The following TSPEAR variants were observed in gnomAD, a reference collection of about 807,000 sequenced individuals.
TSPEAR encodes the protein thrombospondin-type laminin G domain and EAR repeat-containing protein.
In TSPEAR, 69 loss-of-function variants were observed where a neutral mutation model predicts 71.6. That is an observed-to-expected ratio of 0.96 (90% CI 0.79 to 1.18). The LOEUF (loss-of-function observed/expected upper bound fraction) is 1.18. Ranked by LOEUF, TSPEAR falls within the 50% of genes most tolerant of loss-of-function variation. The probability of loss-of-function intolerance (pLI) is 0.00; values close to 1 mark genes in which losing one functional copy is unlikely to be tolerated. For missense variants in TSPEAR, 971 were observed against 894.9 expected (o/e 1.09, Z -1.09); for synonymous variants, 402 against 387.2 (o/e 1.04, Z -0.45).
At chr21:44,504,025 G>T (rs1246013648) in intron 11 of TSPEAR, among the ~76,000 whole-genome samples, 1 of 149,164 alleles carries the variant, frequency 6.7e-6, no homozygotes, top group African/African-American at 2.5e-5. Flanking sequence ...TGAGCCCTCA[G>T]CAGGAAGCAA....
chr21:44,648,093 C>T (rs115340458), intron 1 of TSPEAR, among the ~76,000 whole-genome samples: 1 of 152,350 alleles, frequency 6.6e-6, no homozygotes, highest in African/African-American at 2.4e-5. Context: ...GAGGGCCACT[C>T]TGTGTGCTCT....
Position 44,647,578 on chromosome 21 carries a change from C to T in TSPEAR, c.82+63855G>A, listed in dbSNP as rs1300606329. On this transcript the variant is annotated intron_variant, in intron 1 of 11. Coordinates refer to ENST00000323084, the MANE Select transcript of TSPEAR (RefSeq NM_144991.3). ...GACTGTGGCTTTCTGGAGCCCCCTT[C>T]TCCAAATGTGTTGCTTATACCCAAT... 1.8e-5 allele frequency: 11 copies of T among 616,884 alleles called. 1 individual carries two copies. The allele number at this position is 616,884 out of a possible 1,614,324, so 38.2% of individuals were successfully genotyped here.
rs587724983 is a variant in TSPEAR, at chr21:44,517,944, C to CCT, written c.1566+3937_1566+3938dup. 1.5e-3 allele frequency: 641 copies of CCT among 434,756 alleles called. 10 individuals carry two copies. The highest frequency in any genetic ancestry group is 6.8e-3 in the South Asian group (404 of 59,284). 26.9% of individuals were successfully genotyped at this position (434,756 alleles called of 1,614,324 possible). A position where few individuals can be genotyped will look rare whatever the true frequency, so the allele number is the denominator to read the frequency against. Reference sequence around the variant, plus strand: ...CTGACAATTCCATCACTGTCCTCACCCTCTTCTTTTTTTTCTAGAACTTTG... The same window carrying CCT: ...CTGACAATTCCATCACTGTCCTCACCCTCTCTTCTTTTTTTTCTAGAACTTTG... On this transcript the variant is annotated intron_variant, in intron 9 of 11. Transcript: ENST00000323084.
rs150567386 is a variant in TSPEAR at position 44,536,350 on chromosome 21, C to A, written c.304-2427G>T. Among the ~76,000 whole-genome samples the A allele has an allele frequency of 7.1e-4, 108 of 152,362 alleles. 1 individual carries two copies. The highest frequency in any genetic ancestry group is 3.4e-3 in the Middle Eastern group (1 of 294). Reference sequence around the variant, plus strand: ...TTGGGTGATATCTTGCCATTAAGTTCTGTCCTAAATGGAACCCATGGGTTT... The same window carrying A: ...TTGGGTGATATCTTGCCATTAAGTTATGTCCTAAATGGAACCCATGGGTTT... On this transcript the variant is annotated intron_variant, in intron 2 of 11. Coordinates refer to ENST00000323084, the MANE Select transcript of TSPEAR (RefSeq NM_144991.3).
intron 1 of TSPEAR, among the ~76,000 whole-genome samples, chr21:44,620,804 A>G (rs587677282): frequency 3.0e-4 from 46 of 152,246 alleles, no homozygotes; most frequent in East Asian, 5.8e-4. Context: ...CTAGCTATCA[A>G]TTTCCCTCTA....
chr21:44,615,346 C>T (rs1253495097), intron 1 of TSPEAR, among the ~76,000 whole-genome samples: 1 of 152,232 alleles, frequency 6.6e-6, no homozygotes, highest in Non-Finnish European at 1.5e-5. Flanking sequence ...GAGTCCAGGC[C>T]GCACAGGTGC....
At chr21:44,637,474 A>G (rs9306108) in intron 1 of TSPEAR, 614,907 of 1,612,062 alleles carry the variant, frequency 0.38, 119,649 homozygotes, top group South Asian at 0.53. Flanking sequence ...CTTGGCGGGT[A>G]GTCGACTGCC....
chr21:44,582,466 C>G (rs924946687), intron 1 of TSPEAR, among the ~76,000 whole-genome samples: 7 of 152,196 alleles, frequency 4.6e-5, no homozygotes, highest in African/African-American at 1.7e-4. Flanking sequence ...AGCCCTGGGG[C>G]CTGTATGATA....
intron 10 of TSPEAR, chr21:44,508,702 C>T: frequency 8.2e-7 from 1 of 1,224,132 alleles, no homozygotes; most frequent in Non-Finnish European, 1.1e-6. Flanking sequence ...TCCATGTTCC[C>T]TGGATCTCAC....
At chr21:44,704,929 G>C (rs1297852868) in intron 1 of TSPEAR, among the ~76,000 whole-genome samples, 1 of 152,056 alleles carries the variant, frequency 6.6e-6, no homozygotes, top group Non-Finnish European at 1.5e-5. Flanking sequence ...CCGCCCAGAC[G>C]CACTGACCTG....
In TSPEAR at chr21:44,586,423, G is replaced by C. The variant is rs192260310; in HGVS notation, c.83-18418C>G. ...ATGAAGGGGAGGTGGAGGCATTGGGGAGTAGCCAGCCCAAACAGAGGGCTT... is the reference window on the plus strand; with the variant it reads ...ATGAAGGGGAGGTGGAGGCATTGGGCAGTAGCCAGCCCAAACAGAGGGCTT... On this transcript the variant is annotated intron_variant, in intron 1 of 11. Transcript: ENST00000323084. Among the ~76,000 whole-genome samples the C allele has an allele frequency of 7.9e-5, 12 of 152,242 alleles. No homozygotes were observed. In the East Asian group the frequency reaches 1.7e-3, roughly 22 times the overall value.
intron 1 of TSPEAR, among the ~76,000 whole-genome samples, chr21:44,608,290 G>A (rs752157224): frequency 4.6e-5 from 7 of 152,186 alleles, no homozygotes; most frequent in Non-Finnish European, 7.3e-5. Flanking sequence ...CCCATACTCA[G>A]TGGTACACTA....
At chr21:44,683,025 C>G (rs952881539) in intron 1 of TSPEAR, among the ~76,000 whole-genome samples, 10 of 152,228 alleles carry the variant, frequency 6.6e-5, no homozygotes, top group Middle Eastern at 6.8e-3. Context: ...GTGAAGCCCC[C>G]CTCCAGTCCC....
At chr21:44,515,731 C>T (rs17004656) in intron 9 of TSPEAR, 4,553 of 152,340 alleles carry the variant, frequency 0.03, 236 homozygotes, top group African/African-American at 0.1. Context: ...CCACATCACC[C>T]GTGACAGAAG....
At chr21:44,509,120 G>T in intron 10 of TSPEAR, 79 bp downstream of exon 10, 1 of 1,492,500 alleles carries the variant, frequency 6.7e-7, no homozygotes, top group South Asian at 1.3e-5. Flanking sequence ...GGGTGGTGAG[G>T]ATGAGCCTAA....
chr21:44,531,664 G>A (rs1320031149), intron 3 of TSPEAR, among the ~76,000 whole-genome samples: 4 of 152,210 alleles, frequency 2.6e-5, no homozygotes, highest in Non-Finnish European at 5.9e-5. Flanking sequence ...CATGGTGAAC[G>A]TGCAGTGGCT....
intron 11 of TSPEAR, among the ~76,000 whole-genome samples, chr21:44,503,552 T>TTGGTGAGCCCACAGG (rs2052102537): frequency 1.8e-5 from 2 of 110,096 alleles, no homozygotes; most frequent in Non-Finnish European, 3.7e-5. Context: ...GAGCCCACAG[T>TTGGTGAGCCCACAGG]GGGGAAGCAA....
intron 2 of TSPEAR, chr21:44,558,599 C>G (rs371451976): frequency 6.2e-7 from 1 of 1,611,548 alleles, no homozygotes; most frequent in Admixed American, 1.7e-5. Context: ...GGCAGGGGGC[C>G]GGGGCGCAGC....
chr21:44,690,490 A>C, intron 1 of TSPEAR: 3 of 943,458 alleles, frequency 3.2e-6, no homozygotes, highest in Non-Finnish European at 3.8e-6. Flanking sequence ...ACAAGCAATA[A>C]AAATCAGATT....
Sources: allele counts gnomAD v4.1 joint callset (sites outside exome capture counted in the v4.1 genomes callset), GRCh38; gene constraint gnomAD v4.1.1; transcripts MANE v1.5; gene names NCBI Gene and HGNC (gene_info 2026-07-23, HGNC 2026-07-21).